ST6GALNAC3: variants seen among roughly 807,000 people sequenced by gnomAD.
The protein encoded by ST6GALNAC3 is ST6 N-acetylgalactosaminide alpha-2,6-sialyltransferase 3, also known as alpha-N-acetylgalactosaminide alpha-2,6-sialyltransferase 3.
ST6GALNAC3 carries 25 observed loss-of-function variants against 32.7 expected under a neutral mutation model. The observed-to-expected ratio is 0.76, with a 90% CI of 0.56 to 1.07. The LOEUF (loss-of-function observed/expected upper bound fraction) is 1.07, where lower values mean the gene tolerates loss of function less well. ST6GALNAC3 is among the 50% of genes least tolerant of loss of function. ST6GALNAC3 has a pLI of 0.00. For missense variants in ST6GALNAC3, 355 were observed against 382.4 expected (o/e 0.93, Z 0.60); for synonymous variants, 129 against 133.1 (o/e 0.97, Z 0.21).
At chr1:76,165,077 T>C (rs2100393589) in intron 1 of ST6GALNAC3, among the ~76,000 whole-genome samples, 1 of 152,278 alleles carries the variant, frequency 6.6e-6, no homozygotes, top group East Asian at 1.9e-4. Flanking sequence ...TAGGTAAACT[T>C]GTGTCATGGG....
At chr1:76,118,067 A>G in intron 1 of ST6GALNAC3, among the ~76,000 whole-genome samples, 1 of 152,068 alleles carries the variant, frequency 6.6e-6, no homozygotes, top group East Asian at 1.9e-4. Context: ...GGTTTGTTGC[A>G]CCTGTCAGCC....
chr1:76,265,563 CA>C (rs1313188018), intron 1 of ST6GALNAC3, among the ~76,000 whole-genome samples: 1 of 152,082 alleles, frequency 6.6e-6, no homozygotes, highest in East Asian at 1.9e-4. Context: ...CTCTTTATTA[CA>C]AACATGCACT....
At chr1:76,329,949 C>T (rs948567399) in intron 2 of ST6GALNAC3, among the ~76,000 whole-genome samples, 3 of 151,932 alleles carry the variant, frequency 2.0e-5, no homozygotes, top group East Asian at 1.9e-4. Flanking sequence ...GCTGGGATTA[C>T]AGGCATGCAC....
chr1:76,482,917 TTCCTGTG>T (rs1343396839), intron 3 of ST6GALNAC3, among the ~76,000 whole-genome samples: 2 of 134,280 alleles, frequency 1.5e-5, no homozygotes, highest in Non-Finnish European at 3.1e-5. Context: ...GATGTTCCCC[TTCCTGTG>T]TCCATCTGTT....
intron 2 of ST6GALNAC3, among the ~76,000 whole-genome samples, chr1:76,326,036 A>G (rs945253984): frequency 6.6e-6 from 1 of 152,090 alleles, no homozygotes; most frequent in Non-Finnish European, 1.5e-5. Flanking sequence ...CTGTGTAAGA[A>G]ATCACCCAAA....
chr1:76,198,574 T>A (rs1266824504), intron 1 of ST6GALNAC3, among the ~76,000 whole-genome samples: 4 of 152,094 alleles, frequency 2.6e-5, no homozygotes, highest in East Asian at 3.9e-4. Flanking sequence ...AGGAGATAGA[T>A]TTAACAGGGT....
intron 2 of ST6GALNAC3, among the ~76,000 whole-genome samples, chr1:76,327,673 T>G (rs1647103618): frequency 6.6e-6 from 1 of 152,178 alleles, no homozygotes; most frequent in Admixed American, 6.5e-5. Flanking sequence ...CACTGCAACC[T>G]CCACCTCCTG....
chr1:76,199,734 TA>T (rs1239963329), intron 1 of ST6GALNAC3, among the ~76,000 whole-genome samples: 8 of 152,224 alleles, frequency 5.3e-5, no homozygotes, highest in Non-Finnish European at 5.9e-5. Context: ...ATTTCATGCT[TA>T]AAAAATTCAG....
At chr1:76,561,250 CAGAATAAATAGAA>C (rs1312238733) in intron 3 of ST6GALNAC3, among the ~76,000 whole-genome samples, 4 of 151,712 alleles carry the variant, frequency 2.6e-5, no homozygotes, top group Admixed American at 2.0e-4. Flanking sequence ...TTAACGGGTA[CAGAATAAATAGAA>C]AGAATGAATA....
intron 3 of ST6GALNAC3, among the ~76,000 whole-genome samples, chr1:76,582,176 A>G (rs938396278): frequency 3.9e-5 from 6 of 152,266 alleles, no homozygotes; most frequent in Middle Eastern, 3.4e-3. Flanking sequence ...GTGCAGATGA[A>G]TGATGGTGCC....
chr1:76,152,967 A>T (rs914367990), intron 1 of ST6GALNAC3, among the ~76,000 whole-genome samples: 1 of 152,320 alleles, frequency 6.6e-6, no homozygotes, highest in Non-Finnish European at 1.5e-5. Flanking sequence ...CCTATTGGAA[A>T]ATGTTGTGCA....
chr1:76,250,362 G>A (rs1385485222), intron 1 of ST6GALNAC3, among the ~76,000 whole-genome samples: 1 of 152,170 alleles, frequency 6.6e-6, no homozygotes, highest in East Asian at 1.9e-4. Context: ...CAGCTGCTAG[G>A]CATTTGGACA....
intron 1 of ST6GALNAC3, among the ~76,000 whole-genome samples, chr1:76,214,671 C>G (rs1655358356): frequency 6.6e-6 from 1 of 152,176 alleles, no homozygotes; most frequent in African/African-American, 2.4e-5. Context: ...TTCTTGCACA[C>G]AGTAGGTACT....
At chr1:76,573,653 CCTTT>C (rs1646749466) in intron 3 of ST6GALNAC3, among the ~76,000 whole-genome samples, 1 of 131,440 alleles carries the variant, frequency 7.6e-6, no homozygotes, top group Non-Finnish European at 1.5e-5. Flanking sequence ...GTGTCTTCCC[CCTTT>C]CTTCTCCTTT....
intron 1 of ST6GALNAC3, among the ~76,000 whole-genome samples, chr1:76,214,645 T>A (rs1033083649): frequency 2.0e-5 from 3 of 152,202 alleles, no homozygotes; most frequent in African/African-American, 7.2e-5. Context: ...TTGTTTTTAT[T>A]GCCAAATATT....
chr1:76,618,549 A>G (rs1382120291), intron 3 of ST6GALNAC3, among the ~76,000 whole-genome samples: 2 of 152,234 alleles, frequency 1.3e-5, no homozygotes, highest in South Asian at 4.1e-4. Flanking sequence ...TTTTTGCTGC[A>G]TAACAAACAA....
intron 1 of ST6GALNAC3, among the ~76,000 whole-genome samples, chr1:76,295,800 A>G (rs1372019863): frequency 1.3e-5 from 2 of 152,046 alleles, no homozygotes; most frequent in Non-Finnish European, 2.9e-5. Context: ...AGAAGATAAG[A>G]CTTATTTTAA....
At chr1:76,553,951 A>C (rs1664776593) in intron 3 of ST6GALNAC3, among the ~76,000 whole-genome samples, 1 of 152,216 alleles carries the variant, frequency 6.6e-6, no homozygotes. Context: ...CAGTATATAC[A>C]CATAGTAATA....
chr1:76,636,972 G>GTAA (rs1425655111), downstream of ST6GALNAC3: 1 of 152,142 alleles, frequency 6.6e-6, no homozygotes, highest in African/African-American at 2.4e-5. Context: ...TCTAAGAGTT[G>GTAA]TAATTGATGA....
Sources: gnomAD v4.1 joint callset for allele counts (sites outside exome capture counted in the v4.1 genomes callset) on GRCh38, gnomAD v4.1.1 for gene constraint, MANE v1.5 for transcripts, NCBI Gene and HGNC (gene_info 2026-07-23, HGNC 2026-07-21) for gene names.